Variants in SUCO observed in about 807,000 individuals in gnomAD.
The protein encoded by SUCO is SUN domain-containing ossification factor.
A neutral mutation model predicts 148.1 loss-of-function variants in SUCO; 57 were observed. The ratio of observed to expected loss-of-function variants is 0.38; its 90% CI spans 0.31 to 0.48. The LOEUF (loss-of-function observed/expected upper bound fraction) is 0.48, where lower values mean the gene tolerates loss of function less well. Ranked by LOEUF, SUCO falls within the 20% of genes least tolerant of loss-of-function variation. The pLI is 0.96. For synonymous variants in SUCO, 470 were observed against 502.7 expected (o/e 0.93, Z 0.87); for missense variants, 1,331 against 1,468.2 (o/e 0.91, Z 1.53).
At chr1:172,576,162 CTAAT>C (rs571744524) in intron 11 of SUCO, among the ~76,000 whole-genome samples, 1 of 151,782 alleles carries the variant, frequency 6.6e-6, no homozygotes, top group African/African-American at 2.4e-5. Context: ...CTTCTACCAA[CTAAT>C]TAAGTAAAAT....
At chr1:172,581,031 C>T (rs1244802155) in intron 15 of SUCO, among the ~76,000 whole-genome samples, 1 of 152,062 alleles carries the variant, frequency 6.6e-6, no homozygotes, top group Non-Finnish European at 1.5e-5. Flanking sequence ...ACCCAGGAGG[C>T]GGAGGTTGCT....
chr1:172,603,020 T>C, intron 22 of SUCO: 1 of 445,090 alleles, frequency 2.2e-6, no homozygotes, highest in Non-Finnish European at 4.0e-6. Context: ...GTTGGTAGCT[T>C]TGTTTGCACA....
intron 19 of SUCO, among the ~76,000 whole-genome samples, chr1:172,598,774 T>A (rs1657297573): frequency 6.6e-6 from 1 of 152,236 alleles, no homozygotes. Flanking sequence ...TTTAAATGTT[T>A]ATAACTGTCT....
At chr1:172,540,372 A>T in intron 1 of SUCO, among the ~76,000 whole-genome samples, 1 of 152,320 alleles carries the variant, frequency 6.6e-6, no homozygotes, top group African/African-American at 2.4e-5. Flanking sequence ...AGGAATGGAC[A>T]TTGGAATTGT....
At chr1:172,552,328 CATATAA>C (rs1653363337) in intron 2 of SUCO, among the ~76,000 whole-genome samples, 1 of 151,952 alleles carries the variant, frequency 6.6e-6, no homozygotes, top group Non-Finnish European at 1.5e-5. Context: ...ATGAAAATAT[CATATAA>C]ATATATTACA....
At chr1:172,607,311 C>A (rs1042726616) in intron 22 of SUCO, among the ~76,000 whole-genome samples, 1 of 151,658 alleles carries the variant, frequency 6.6e-6, no homozygotes, top group African/African-American at 2.4e-5. Context: ...TCATGTAATA[C>A]CTTACATTCA....
intron 17 of SUCO, among the ~76,000 whole-genome samples, chr1:172,587,035 G>A (rs563174717): frequency 9.2e-5 from 14 of 151,996 alleles, no homozygotes; most frequent in East Asian, 3.9e-4. Context: ...ACGCTATGTC[G>A]TATTTTTCAA....
chr1:172,557,246 A>G (rs1236547354), intron 4 of SUCO, 34 bp from the exon 5 acceptor site: 1 of 1,603,152 alleles, frequency 6.2e-7, no homozygotes, highest in Admixed American at 1.7e-5. Flanking sequence ...AGTTTATTTA[A>G]TTACCAGATT....
intron 22 of SUCO, among the ~76,000 whole-genome samples, chr1:172,603,612 GAT>G (rs1657671871): frequency 6.6e-6 from 1 of 151,742 alleles, no homozygotes; most frequent in Admixed American, 6.6e-5. Flanking sequence ...TCTTTTGGTT[GAT>G]ATGTCTTTTT....
At chr1:172,585,293 C>T (rs1362006865) in intron 16 of SUCO, 1 of 304,624 alleles carries the variant, frequency 3.3e-6, no homozygotes, top group East Asian at 1.7e-4. Context: ...CTATATAAAA[C>T]TTATGAATTT....
intron 1 of SUCO, among the ~76,000 whole-genome samples, chr1:172,536,829 C>G (rs1209098831): frequency 1.3e-5 from 2 of 152,130 alleles, no homozygotes. Context: ...TTCCTCACAT[C>G]AGCACTCCAA....
At chr1:172,569,207 CT>C (rs1429786573) in intron 7 of SUCO, 65 bp downstream of exon 7, 1 of 1,271,600 alleles carries the variant, frequency 7.9e-7, no homozygotes, top group South Asian at 1.9e-5. Flanking sequence ...AATATGCTTT[CT>C]TTTTTTGATT....
chr1:172,562,301 A>AC (rs1654218164), intron 6 of SUCO, among the ~76,000 whole-genome samples: 1 of 152,136 alleles, frequency 6.6e-6, no homozygotes, highest in South Asian at 2.1e-4. Context: ...TAGCAAATTA[A>AC]CATTTTAAGA....
chr1:172,597,088 A>G (rs554469024), intron 19 of SUCO, among the ~76,000 whole-genome samples: 2 of 152,108 alleles, frequency 1.3e-5, no homozygotes, highest in African/African-American at 4.8e-5. Flanking sequence ...CCTCCGAGCC[A>G]TGCACGGGAT....
chr1:172,599,435 A>G (rs1221034410), intron 19 of SUCO: 16 of 836,200 alleles, frequency 1.9e-5, no homozygotes, highest in Non-Finnish European at 2.2e-5. Flanking sequence ...ACTATATTAT[A>G]AATAAGACAT....
intron 1 of SUCO, among the ~76,000 whole-genome samples, chr1:172,542,067 G>T (rs934912885): frequency 6.6e-6 from 1 of 152,140 alleles, no homozygotes; most frequent in Non-Finnish European, 1.5e-5. Context: ...TAAAAATGCA[G>T]ACTTGAATGC....
intron 20 of SUCO, among the ~76,000 whole-genome samples, 182 bp downstream of exon 20, chr1:172,600,350 T>G (rs1657419994): frequency 1.3e-5 from 2 of 152,202 alleles, no homozygotes. Context: ...ATCATAGTCT[T>G]TTGTAAAATA....
chr1:172,590,857 G>A (rs1306622444), intron 18 of SUCO, 127 bp from the exon 19 acceptor site: 1 of 642,682 alleles, frequency 1.6e-6, no homozygotes, highest in African/African-American at 1.9e-5. Flanking sequence ...GTATTGCATA[G>A]GCCTGAATAA....
intron 1 of SUCO, among the ~76,000 whole-genome samples, chr1:172,539,296 G>A (rs1217672415): frequency 6.6e-6 from 1 of 152,180 alleles, no homozygotes; most frequent in East Asian, 1.9e-4. Flanking sequence ...ACTGGAAAGA[G>A]ATGAAATCTC....
Sources: allele counts gnomAD v4.1 joint callset (sites outside exome capture counted in the v4.1 genomes callset), GRCh38; gene constraint gnomAD v4.1.1; transcripts MANE v1.5; gene names NCBI Gene and HGNC (gene_info 2026-07-23, HGNC 2026-07-21).